Variants in RNLS observed in about 807,000 individuals in gnomAD.
RNLS encodes renalase.
Under a neutral mutation model 39.8 loss-of-function variants are expected in RNLS, and 39 were observed. The ratio of observed to expected loss-of-function variants is 0.98; its 90% CI spans 0.76 to 1.28. The LOEUF (loss-of-function observed/expected upper bound fraction) is 1.28, where lower values mean the gene tolerates loss of function less well. Ranked by LOEUF, RNLS falls within the 50% of genes most tolerant of loss-of-function variation. RNLS has a pLI of 0.00. For missense variants in RNLS, 410 were observed against 413.3 expected (o/e 0.99, Z 0.07); for synonymous variants, 147 against 150.7 (o/e 0.98, Z 0.18).
intron 4 of RNLS, among the ~76,000 whole-genome samples, chr10:88,400,751 A>C (rs1262207887): frequency 6.6e-6 from 1 of 151,950 alleles, no homozygotes; most frequent in African/African-American, 2.4e-5. Flanking sequence ...CCCAAGCATC[A>C]GGAACAGGCA....
chr10:88,498,677 T>A (rs1845305434), intron 4 of RNLS, among the ~76,000 whole-genome samples: 1 of 151,870 alleles, frequency 6.6e-6, no homozygotes, highest in African/African-American at 2.4e-5. Context: ...ATGCCCTTGT[T>A]TTAAGAAGGC....
chr10:88,287,494 CG>C (rs1843354306), intron 6 of RNLS, among the ~76,000 whole-genome samples: 1 of 152,076 alleles, frequency 6.6e-6, no homozygotes, highest in Admixed American at 6.6e-5. Context: ...AAGAAGAAAA[CG>C]GCTAGGATTC....
chr10:88,565,829 A>T (rs1334302548), intron 4 of RNLS, among the ~76,000 whole-genome samples: 1 of 147,006 alleles, frequency 6.8e-6, no homozygotes, highest in African/African-American at 2.5e-5. Flanking sequence ...GGCTCACTGC[A>T]ACCTCCGCCT....
chr10:88,329,085 T>G (rs1284805740), intron 5 of RNLS, among the ~76,000 whole-genome samples: 4 of 143,138 alleles, frequency 2.8e-5, no homozygotes, highest in Non-Finnish European at 6.2e-5. Flanking sequence ...TTTGTTTTTC[T>G]TTTTTTTTTT....
intron 4 of RNLS, among the ~76,000 whole-genome samples, chr10:88,537,401 C>A (rs925883559): frequency 6.6e-6 from 1 of 152,060 alleles, no homozygotes; most frequent in Non-Finnish European, 1.5e-5. Flanking sequence ...GAGAAATGTA[C>A]AAGAATGTTC....
the RNLS span, among the ~76,000 whole-genome samples, chr10:88,259,933 G>A: frequency 6.6e-6 from 1 of 152,176 alleles, no homozygotes; most frequent in African/African-American, 2.4e-5. Context: ...GTAGAGACGG[G>A]GTTTCACCAT....
chr10:88,289,427 C>T (rs553024261), intron 6 of RNLS, among the ~76,000 whole-genome samples: 1 of 152,210 alleles, frequency 6.6e-6, no homozygotes, highest in East Asian at 1.9e-4. Flanking sequence ...TTGCATTATT[C>T]CTCCTCTTTG....
At chr10:88,377,542 T>C (rs1465594006) in intron 4 of RNLS, among the ~76,000 whole-genome samples, 4 of 152,200 alleles carry the variant, frequency 2.6e-5, no homozygotes, top group African/African-American at 9.6e-5. Flanking sequence ...CAGATGTTAC[T>C]GTACTGAATA....
intron 6 of RNLS, among the ~76,000 whole-genome samples, chr10:88,276,705 G>T (rs1449636437): frequency 6.6e-6 from 1 of 152,046 alleles, no homozygotes; most frequent in Non-Finnish European, 1.5e-5. Context: ...CCATTTTGCA[G>T]GAAGGTACTT....
chr10:88,377,863 A>G (rs1851143040), intron 4 of RNLS, among the ~76,000 whole-genome samples: 1 of 152,164 alleles, frequency 6.6e-6, no homozygotes, highest in East Asian at 1.9e-4. Flanking sequence ...TACTTTGTAA[A>G]CTTTTTTTTA....
intron 4 of RNLS, among the ~76,000 whole-genome samples, chr10:88,568,392 T>C (rs1226156064): frequency 6.6e-6 from 1 of 152,080 alleles, no homozygotes; most frequent in Non-Finnish European, 1.5e-5. Flanking sequence ...AATTTACTAA[T>C]TACAGACATT....
chr10:88,382,739 C>CAGAT (rs1269620945), intron 4 of RNLS, among the ~76,000 whole-genome samples: 69 of 152,142 alleles, frequency 4.5e-4, no homozygotes, highest in Middle Eastern at 6.8e-3. Flanking sequence ...GATGAGTTGA[C>CAGAT]AGATATAGCT....
chr10:88,411,156 A>G (rs147730805), intron 4 of RNLS, among the ~76,000 whole-genome samples: 4 of 152,296 alleles, frequency 2.6e-5, no homozygotes, highest in Admixed American at 2.6e-4. Context: ...AGCCAACCCC[A>G]TGGCTCACAT....
At chr10:88,528,349 T>C (rs1847229000) in intron 4 of RNLS, among the ~76,000 whole-genome samples, 1 of 152,142 alleles carries the variant, frequency 6.6e-6, no homozygotes, top group African/African-American at 2.4e-5. Flanking sequence ...AGGAGAAAGA[T>C]AGGCCTGTGT....
the RNLS span, among the ~76,000 whole-genome samples, chr10:88,187,115 G>T: frequency 7.1e-6 from 1 of 140,556 alleles, no homozygotes; most frequent in African/African-American, 2.6e-5. Flanking sequence ...GTTGAGAAAC[G>T]CTGGCATCTG....
chr10:88,504,844 AGTGTGTGTGT>A (rs34411833), intron 4 of RNLS, among the ~76,000 whole-genome samples: 7 of 136,166 alleles, frequency 5.1e-5, no homozygotes, highest in African/African-American at 8.2e-5. Context: ...AGAGAGACAG[AGTGTGTGTGT>A]GTGTGTGTGT....
At chr10:88,208,206 T>C in the RNLS span, among the ~76,000 whole-genome samples, 10 of 152,116 alleles carry the variant, frequency 6.6e-5, no homozygotes, top group Non-Finnish European at 1.5e-4. Flanking sequence ...GGTACTCACA[T>C]CTTATGGAAC....
chr10:88,204,958 C>T, the RNLS span, among the ~76,000 whole-genome samples: 3 of 152,182 alleles, frequency 2.0e-5, no homozygotes, highest in East Asian at 1.9e-4. Context: ...TTGTAGCACA[C>T]GGTGGTGAAT....
At chr10:88,430,118 C>G (rs1337843942) in intron 4 of RNLS, among the ~76,000 whole-genome samples, 1 of 151,626 alleles carries the variant, frequency 6.6e-6, no homozygotes, top group African/African-American at 2.4e-5. Context: ...TTCTTCCAAG[C>G]CATGAAAAAG....
Sources: gnomAD v4.1 joint callset for allele counts (sites outside exome capture counted in the v4.1 genomes callset) on GRCh38, gnomAD v4.1.1 for gene constraint, MANE v1.5 for transcripts, NCBI Gene and HGNC (gene_info 2026-07-23, HGNC 2026-07-21) for gene names.